HIPK3: variants seen among roughly 807,000 people sequenced by gnomAD.
HIPK3 encodes homeodomain-interacting protein kinase 3.
A neutral mutation model predicts 124.2 loss-of-function variants in HIPK3; 47 were observed. That is an observed-to-expected ratio of 0.38 (90% CI 0.30 to 0.48). The LOEUF (loss-of-function observed/expected upper bound fraction) is 0.48. HIPK3 is among the 20% of genes least tolerant of loss of function. HIPK3 has a pLI of 0.98. For missense variants in HIPK3, 1,286 were observed against 1,454.3 expected (o/e 0.88, Z 1.88); for synonymous variants, 482 against 515.2 (o/e 0.94, Z 0.87).
intron 1 of HIPK3, chr11:33,258,668 A>C (rs1221231880): frequency 2.1e-5 from 21 of 984,974 alleles, no homozygotes; most frequent in Non-Finnish European, 2.5e-5. Context: ...CTCTGTCGGG[A>C]GGGAGACGGC....
intron 1 of HIPK3, among the ~76,000 whole-genome samples, chr11:33,284,098 C>T (rs964571610): frequency 2.0e-5 from 3 of 152,200 alleles, no homozygotes; most frequent in Admixed American, 6.5e-5. Context: ...TTTTTAATAT[C>T]GATATTACAG....
chr11:33,289,370 A>G (rs1020189990), intron 2 of HIPK3, among the ~76,000 whole-genome samples: 1 of 152,144 alleles, frequency 6.6e-6, no homozygotes, highest in Non-Finnish European at 1.5e-5. Context: ...CCTTGAGCCC[A>G]GGTGTTAGAG....
Position 33,355,321 on chromosome 11 carries a change from AT to A in HIPK3, c.*1755del, listed in dbSNP as rs1853786920. ...TTATTTGCATCAGTATTTTATCTCT[AT>A]TAATGTTTGTGCTCATCACTGCATA... On this transcript the variant is annotated 3_prime_UTR_variant, in exon 17 of 17. Transcript: ENST00000303296. 1.3e-5 allele frequency: 2 copies of A among 152,040 alleles called. No homozygotes were observed. The highest frequency in any genetic ancestry group is 4.8e-5 in the African/African-American group (2 of 41,446). 9.4% of individuals were successfully genotyped at this position (152,040 alleles called of 1,614,324 possible).
chr11:33,289,103 C>T (rs921712308), intron 2 of HIPK3, among the ~76,000 whole-genome samples: 1 of 152,054 alleles, frequency 6.6e-6, no homozygotes, highest in African/African-American at 2.4e-5. Flanking sequence ...AGTAGGTTAT[C>T]AGAAAGAATT....
intron 2 of HIPK3, among the ~76,000 whole-genome samples, chr11:33,288,396 A>G (rs1022892161): frequency 9.2e-5 from 14 of 152,330 alleles, no homozygotes; most frequent in African/African-American, 3.4e-4. Context: ...TGGAGGTTGC[A>G]GTGAGCCGAG....
At chr11:33,317,274 A>ATTT (rs3028961) in intron 2 of HIPK3, among the ~76,000 whole-genome samples, 54,764 of 102,060 alleles carry the variant, frequency 0.54, 16,254 homozygotes, top group Non-Finnish European at 0.65. Flanking sequence ...GCCTGGCCCT[A>ATTT]TTTTTTTTTT....
intron 1 of HIPK3, among the ~76,000 whole-genome samples, chr11:33,268,143 G>A (rs1034410143): frequency 2.6e-5 from 4 of 152,048 alleles, no homozygotes; most frequent in East Asian, 1.9e-4. Context: ...CCCAGGAGGC[G>A]GATGTTACAG....
chr11:33,325,449 T>C (rs1233162267), intron 2 of HIPK3, among the ~76,000 whole-genome samples: 1 of 152,236 alleles, frequency 6.6e-6, no homozygotes, highest in East Asian at 1.9e-4. Context: ...TGTTTTGCAT[T>C]CAGATTAGTA....
chr11:33,332,289 A>G (rs1012865751), intron 3 of HIPK3, among the ~76,000 whole-genome samples: 4 of 152,192 alleles, frequency 2.6e-5, no homozygotes, highest in Non-Finnish European at 2.9e-5. Flanking sequence ...TTCCGTTTAT[A>G]TAGACATCTA....
intron 1 of HIPK3, among the ~76,000 whole-genome samples, chr11:33,273,999 C>T (rs1211202079): frequency 6.6e-6 from 1 of 152,104 alleles, no homozygotes; most frequent in Non-Finnish European, 1.5e-5. Flanking sequence ...AGTGATAGTT[C>T]TCTTTCAGGT....
chr11:33,337,024 G>A, intron 3 of HIPK3, 51 bp from the exon 4 acceptor site: 1 of 1,376,464 alleles, frequency 7.3e-7, no homozygotes. Flanking sequence ...TGACTTAAGT[G>A]TTCTGTCACA....
intron 2 of HIPK3, among the ~76,000 whole-genome samples, chr11:33,288,469 A>G (rs1851613933): frequency 6.6e-6 from 1 of 152,192 alleles, no homozygotes; most frequent in Non-Finnish European, 1.5e-5. Context: ...AAAACAAAAC[A>G]AAACACAAAT....
At chr11:33,301,930 C>T (rs1852012311) in intron 2 of HIPK3, among the ~76,000 whole-genome samples, 1 of 151,700 alleles carries the variant, frequency 6.6e-6, no homozygotes, top group South Asian at 2.1e-4. Context: ...AGATAGGTCT[C>T]TTAAGTACTT....
chr11:33,321,115 AAGG>A (rs911128970), intron 2 of HIPK3, among the ~76,000 whole-genome samples: 2 of 152,174 alleles, frequency 1.3e-5, no homozygotes, highest in African/African-American at 2.4e-5. Context: ...CTAGTGAGAT[AAGG>A]AGGAGAACGA....
In HIPK3 at chr11:33,268,929, T is replaced by G. The variant is rs564550284; in HGVS notation, c.-3+11040T>G. ...ATTAGAAGTTAATATATAACATTTTTGGGAATGTTATACTTTCATTTAAAA... is the reference window on the plus strand; with the variant it reads ...ATTAGAAGTTAATATATAACATTTTGGGGAATGTTATACTTTCATTTAAAA... On this transcript the variant is annotated intron_variant, in intron 1 of 16. Transcript: ENST00000303296. Among the ~76,000 whole-genome samples, 139 of 152,274 alleles carry G rather than the reference T, an allele frequency of 9.1e-4. 3 individuals are homozygous for G. In the Middle Eastern group the frequency reaches 0.024, roughly 26 times the overall value.
intron 2 of HIPK3, among the ~76,000 whole-genome samples, chr11:33,302,844 A>G (rs576363525): frequency 1.3e-5 from 2 of 152,300 alleles, no homozygotes; most frequent in East Asian, 3.9e-4. Context: ...TAATGAGTTA[A>G]AGTATGTATT....
chr11:33,258,291 C>A, intron 1 of HIPK3: 1 of 985,416 alleles, frequency 1.0e-6, no homozygotes, highest in Non-Finnish European at 1.2e-6. Context: ...TCTCTTCCCC[C>A]TCCGCAGTCC....
chr11:33,305,637 G>A (rs541110667), intron 2 of HIPK3, among the ~76,000 whole-genome samples: 1 of 152,186 alleles, frequency 6.6e-6, no homozygotes, highest in Non-Finnish European at 1.5e-5. Flanking sequence ...GCTCAGTTGT[G>A]GATCTCTATT....
At chr11:33,274,717 T>G (rs940218449) in intron 1 of HIPK3, among the ~76,000 whole-genome samples, 1 of 152,154 alleles carries the variant, frequency 6.6e-6, no homozygotes, top group African/African-American at 2.4e-5. Flanking sequence ...CCTTGTGTAA[T>G]TTTTTTGAAT....
Sources: gnomAD v4.1 joint callset for allele counts (sites outside exome capture counted in the v4.1 genomes callset) on GRCh38, gnomAD v4.1.1 for gene constraint, MANE v1.5 for transcripts, NCBI Gene and HGNC (gene_info 2026-07-23, HGNC 2026-07-21) for gene names.